The following GABRG3 variants were observed in gnomAD, a reference collection of about 807,000 sequenced individuals.
GABRG3 encodes gamma-aminobutyric acid type A receptor subunit gamma3.
In GABRG3, 25 loss-of-function variants were observed where a neutral mutation model predicts 48.8. That is an observed-to-expected ratio of 0.51 (90% CI 0.37 to 0.72). The LOEUF is 0.72. GABRG3 is among the 30% of genes least tolerant of loss of function. The pLI, the probability that GABRG3 is intolerant of heterozygous loss-of-function variation, is 0.00. For synonymous variants in GABRG3, 227 were observed against 217.6 expected, an observed-to-expected ratio of 1.04 and a Z score of -0.38; for missense variants, 394 against 577.9, an observed-to-expected ratio of 0.68 and a Z score of 3.26.
intron 5 of GABRG3, among the ~76,000 whole-genome samples, chr15:27,329,404 A>T (rs1893730045): frequency 6.6e-6 from 1 of 152,080 alleles, no homozygotes; most frequent in South Asian, 2.1e-4. Flanking sequence ...AGCTGGGACT[A>T]TGGGCACGTG....
At chr15:27,030,480 G>A (rs953924866) in intron 3 of GABRG3, among the ~76,000 whole-genome samples, 4 of 152,136 alleles carry the variant, frequency 2.6e-5, no homozygotes, top group Admixed American at 2.6e-4. Flanking sequence ...GATTAGAAAC[G>A]GGACCAGGGG....
rs917046905 is a variant in GABRG3, at chr15:27,179,499, G to A, written c.271-147310G>A. Among the ~76,000 whole-genome samples, 1 of 152,080 alleles carries A rather than the reference G, an allele frequency of 6.6e-6. No homozygotes were observed. The highest frequency in any genetic ancestry group is 1.5e-5 in the Non-Finnish European group (1 of 68,020). Reference sequence around the variant, plus strand: ...ATACAATTTCGCTGGCTTTATGCTTGGTCTGGCTCTGAGAAATTTATCATT... The same window carrying A: ...ATACAATTTCGCTGGCTTTATGCTTAGTCTGGCTCTGAGAAATTTATCATT... On this transcript the variant is annotated intron_variant, in intron 3 of 9. Transcript: ENST00000615808. The surrounding 1 kb of genome is among the most constrained non-coding windows in gnomAD (Gnocchi z 4.0).
intron 5 of GABRG3, among the ~76,000 whole-genome samples, chr15:27,355,680 A>T (rs2140541160): frequency 6.6e-6 from 1 of 152,376 alleles, no homozygotes; most frequent in South Asian, 2.1e-4. Flanking sequence ...GAATGTGCAT[A>T]GCAGCATTAT....
chr15:27,014,731 A>G (rs1392602724), intron 2 of GABRG3, among the ~76,000 whole-genome samples: 1 of 152,160 alleles, frequency 6.6e-6, no homozygotes, highest in African/African-American at 2.4e-5. Flanking sequence ...CTTGAGGAGA[A>G]GGTGTATTTT....
intron 3 of GABRG3, among the ~76,000 whole-genome samples, chr15:27,194,998 T>G (rs536049978): frequency 1.3e-5 from 2 of 152,354 alleles, no homozygotes; most frequent in African/African-American, 4.8e-5. Context: ...GGTAAAATAA[T>G]TTTAATCTGT....
chr15:27,105,783 T>C (rs1270524503), intron 3 of GABRG3, among the ~76,000 whole-genome samples: 1 of 152,076 alleles, frequency 6.6e-6, no homozygotes, highest in Non-Finnish European at 1.5e-5. Context: ...ACCTCTCTTC[T>C]GGGACAAAAT....
intron 6 of GABRG3, among the ~76,000 whole-genome samples, chr15:27,496,006 G>A (rs1042224755): frequency 1.3e-5 from 2 of 152,168 alleles, no homozygotes; most frequent in African/African-American, 2.4e-5. Context: ...GCAGGTGGGG[G>A]TAGAAGTCCA....
chr15:27,065,377 T>TA (rs1378834843), intron 3 of GABRG3, among the ~76,000 whole-genome samples: 1 of 152,222 alleles, frequency 6.6e-6, no homozygotes, highest in African/African-American at 2.4e-5. Flanking sequence ...CTGAGGCTGT[T>TA]ACATTATTAT....
chr15:27,170,803 G>A (rs866012060), intron 3 of GABRG3, among the ~76,000 whole-genome samples: 20 of 152,202 alleles, frequency 1.3e-4, no homozygotes, highest in Middle Eastern at 3.4e-3. Flanking sequence ...TTTTATTTTC[G>A]TAGCACTTTT....
chr15:27,003,025 T>A (rs1348097218), intron 2 of GABRG3, among the ~76,000 whole-genome samples: 1 of 151,668 alleles, frequency 6.6e-6, no homozygotes, highest in Non-Finnish European at 1.5e-5. Flanking sequence ...CATATGCCCC[T>A]ATCCAGAAAC....
intron 3 of GABRG3, among the ~76,000 whole-genome samples, chr15:27,227,624 C>T (rs984611090): frequency 3.9e-5 from 6 of 152,064 alleles, no homozygotes; most frequent in African/African-American, 1.4e-4. Context: ...AAGTTCAAGA[C>T]TCCAGTGAGC....
chr15:27,188,868 G>A (rs879845185), intron 3 of GABRG3, among the ~76,000 whole-genome samples: 3,555 of 150,786 alleles, frequency 0.024, 58 homozygotes, highest in Non-Finnish European at 0.035. Context: ...TAGGTCTAAC[G>A]TTTAAGTCTT....
intron 2 of GABRG3, among the ~76,000 whole-genome samples, chr15:27,022,791 A>G (rs1040125541): frequency 1.3e-5 from 2 of 152,096 alleles, no homozygotes; most frequent in African/African-American, 4.8e-5. Flanking sequence ...ATGATAGTTC[A>G]AATAGCCCTC....
At chr15:27,164,910 G>A (rs996666904) in intron 3 of GABRG3, among the ~76,000 whole-genome samples, 2 of 152,194 alleles carry the variant, frequency 1.3e-5, no homozygotes, top group Admixed American at 1.3e-4. Context: ...AGTGGAAAGT[G>A]ATGTCTCTCG....
Position 27,180,324 on chromosome 15 carries a change from G to GA in GABRG3, c.271-146476dup, listed in dbSNP as rs554080527. 4.2e-3 allele frequency among the ~76,000 whole-genome samples: 628 copies of GA among 150,090 alleles called. 2 individuals carry two copies. The highest frequency in any genetic ancestry group is 0.014 in the African/African-American group (567 of 40,916). ...AACGGGCAAATGGCTTGAGTGAAAG[G>GA]AAAAAAAAATGAGATTGAACAAGAA... On this transcript the variant is annotated intron_variant, in intron 3 of 9. Coordinates refer to ENST00000615808, the MANE Select transcript of GABRG3 (RefSeq NM_033223.5). The surrounding 1 kb of genome is among the most constrained non-coding windows in gnomAD (Gnocchi z 4.2).
intron 3 of GABRG3, among the ~76,000 whole-genome samples, chr15:27,167,965 C>T (rs73373461): frequency 0.072 from 11,001 of 152,130 alleles, 820 homozygotes; most frequent in African/African-American, 0.18. Context: ...GTCAGATGCC[C>T]GCTAGGCGAG....
intron 5 of GABRG3, among the ~76,000 whole-genome samples, chr15:27,415,850 C>A (rs1887925532): frequency 1.4e-5 from 2 of 146,162 alleles, no homozygotes; most frequent in Non-Finnish European, 3.1e-5. Flanking sequence ...AGCAAATAGC[C>A]ACAGATAAAA....
At chr15:27,475,452 GATGATTGTGATGATGATGGCA>G (rs1232543088) in intron 5 of GABRG3, among the ~76,000 whole-genome samples, 1 of 152,100 alleles carries the variant, frequency 6.6e-6, no homozygotes, top group Non-Finnish European at 1.5e-5. Context: ...TGATGATGGC[GATGATTGTGATGATGATGGCA>G]ATGATGATAG....
chr15:27,306,955 A>G (rs1248020563), intron 3 of GABRG3, among the ~76,000 whole-genome samples: 1 of 129,266 alleles, frequency 7.7e-6, no homozygotes, highest in African/African-American at 2.9e-5. Flanking sequence ...TATAATATAA[A>G]CATGTTTATA....
Sources: gnomAD v4.1 joint callset for allele counts (sites outside exome capture counted in the v4.1 genomes callset) on GRCh38, gnomAD v4.1.1 for gene constraint, Gnocchi (gnomAD v3.1) non-coding constraint, MANE v1.5 for transcripts, NCBI Gene and HGNC (gene_info 2026-07-23, HGNC 2026-07-21) for gene names.